RALGAPA1: variants seen among roughly 807,000 people sequenced by gnomAD.
RALGAPA1 encodes the protein Ral GTPase activating protein catalytic subunit alpha 1, also known as ral GTPase-activating protein subunit alpha-1.
A neutral mutation model predicts 269.6 loss-of-function variants in RALGAPA1; 52 were observed. That is an observed-to-expected ratio of 0.19 (90% confidence interval 0.15 to 0.24). The LOEUF is 0.24. RALGAPA1 is among the 10% of genes least tolerant of loss of function. The pLI is 1.00. For synonymous variants in RALGAPA1, 817 were observed against 1,008.3 expected (o/e 0.81, Z 3.60); for missense variants, 1,917 against 3,013.9 (o/e 0.64, Z 8.52).
chr14:35,768,432 G>A (rs556762673), intron 4 of RALGAPA1, among the ~76,000 whole-genome samples: 1 of 152,250 alleles, frequency 6.6e-6, no homozygotes, highest in East Asian at 1.9e-4. Context: ...GCTCACACCT[G>A]TAATCCCAGC....
chr14:35,616,174 C>T (rs2139396431), intron 35 of RALGAPA1, among the ~76,000 whole-genome samples: 1 of 151,980 alleles, frequency 6.6e-6, no homozygotes. Flanking sequence ...AAGGGTACTT[C>T]TAAACATAAA....
In RALGAPA1 at chr14:35,541,040, A is replaced by ATTTTTTTTTTTTTTTT. The variant is rs559979336; in HGVS notation, c.*24-1366_*24-1351dup. 9.5e-4 allele frequency among the ~76,000 whole-genome samples: 85 copies of ATTTTTTTTTTTTTTTT among 89,164 alleles called. 14 individuals carry two copies. The highest frequency in any genetic ancestry group is 3.6e-3 in the African/African-American group (64 of 17,800). The allele number at this position is 89,164 out of a possible 152,430, so 58.5% of individuals were successfully genotyped here. Reference sequence around the variant, plus strand: ...GAATATGTCTTTGCAGAACACTTCAATTTTTTTTTTTTTTTTTTTTTTTTG... The same window carrying ATTTTTTTTTTTTTTTT: ...GAATATGTCTTTGCAGAACACTTCAATTTTTTTTTTTTTTTTTTTTTTTTTTTTTTTTTTTTTTTTG... On this transcript the variant is annotated intron_variant, in intron 41 of 41. Coordinates refer to ENST00000680220, the MANE Select transcript of RALGAPA1 (RefSeq NM_001346249.2).
chr14:35,768,685 T>A (rs116430039), intron 4 of RALGAPA1, among the ~76,000 whole-genome samples: 1 of 151,394 alleles, frequency 6.6e-6, no homozygotes, highest in Admixed American at 6.6e-5. Flanking sequence ...CTGAATAAGA[T>A]CCTGTCTCTT....
At chr14:35,769,625 A>T (rs1469506141) in intron 4 of RALGAPA1, among the ~76,000 whole-genome samples, 1 of 152,138 alleles carries the variant, frequency 6.6e-6, no homozygotes, top group Non-Finnish European at 1.5e-5. Context: ...AGTTTATGTA[A>T]TATTAAAAAA....
At chr14:35,641,902 CAT>C (rs1281160917) in intron 31 of RALGAPA1, among the ~76,000 whole-genome samples, 1 of 152,112 alleles carries the variant, frequency 6.6e-6, no homozygotes, top group East Asian at 1.9e-4. Flanking sequence ...AAAACTGACA[CAT>C]AGACCAATGG....
rs199904507 is a variant in RALGAPA1, at chr14:35,768,977, C to CA, written c.325+1964dup. On this transcript the variant is annotated intron_variant, in intron 4 of 41. Transcript: ENST00000680220. ...GAGCCGAGATAGTGCCACTGTACTC[C>CA]AGCCTGGGCAACAAGGGCGAAACTC... Among the ~76,000 whole-genome samples the CA allele has an allele frequency of 2.4e-3, 285 of 119,384 alleles. 8 individuals are homozygous for CA. The East Asian group carries it at 0.063, about 26-fold the overall frequency. 78.3% of individuals were successfully genotyped at this position (119,384 alleles called of 152,430 possible).
At chr14:35,748,958 G>T in intron 9 of RALGAPA1, 134 bp from the exon 10 acceptor site, 1 of 1,337,990 alleles carries the variant, frequency 7.5e-7, no homozygotes, top group East Asian at 2.7e-5. Flanking sequence ...CTTAAACTCC[G>T]GGCATAGAGT....
At chr14:35,551,004 T>C (rs1482086885) in intron 39 of RALGAPA1, among the ~76,000 whole-genome samples, 4 of 152,174 alleles carry the variant, frequency 2.6e-5, no homozygotes, top group Non-Finnish European at 5.9e-5. Flanking sequence ...ATACCACATA[T>C]CTCACAACTT....
intron 37 of RALGAPA1, among the ~76,000 whole-genome samples, chr14:35,585,971 T>C (rs528324425): frequency 6.6e-6 from 1 of 152,362 alleles, no homozygotes; most frequent in South Asian, 2.1e-4. Context: ...TAAAGTAGTT[T>C]TTTCCAATTC....
At chr14:35,738,475 ATTATT>A (rs773087508) in intron 12 of RALGAPA1, 33 bp downstream of exon 12, 2 of 1,470,188 alleles carry the variant, frequency 1.4e-6, no homozygotes, top group African/African-American at 2.9e-5. Flanking sequence ...ATATTTAATG[ATTATT>A]TTATTTTTAA....
At chr14:35,737,739 A>G (rs1224762507) in intron 12 of RALGAPA1, among the ~76,000 whole-genome samples, 2 of 132,986 alleles carry the variant, frequency 1.5e-5, no homozygotes, top group Non-Finnish European at 3.1e-5. Context: ...AACCTGGGCA[A>G]CAACAGTGAA....
At chr14:35,773,466 T>A (rs1021439063) in intron 3 of RALGAPA1, among the ~76,000 whole-genome samples, 5 of 151,944 alleles carry the variant, frequency 3.3e-5, no homozygotes, top group African/African-American at 4.8e-5. Flanking sequence ...ATGTAAAGAA[T>A]AAAAAATAAT....
chr14:35,786,465 G>A (rs779121158), intron 1 of RALGAPA1, among the ~76,000 whole-genome samples: 114 of 151,624 alleles, frequency 7.5e-4, no homozygotes, highest in Non-Finnish European at 7.5e-4. Flanking sequence ...GGCTAACCCC[G>A]TCTCCATTAA....
chr14:35,683,669 C>T (rs2065664371), intron 21 of RALGAPA1, 140 bp downstream of exon 21: 3 of 654,100 alleles, frequency 4.6e-6, no homozygotes, highest in Non-Finnish European at 7.4e-6. Context: ...CTTTTCTCCC[C>T]TTCATTGTTA....
chr14:35,805,280 A>C (rs571154521), intron 1 of RALGAPA1, among the ~76,000 whole-genome samples: 1 of 151,722 alleles, frequency 6.6e-6, no homozygotes, highest in Admixed American at 6.6e-5. Context: ...AAAGAAAAAA[A>C]AAAAAGAAAA....
intron 14 of RALGAPA1, among the ~76,000 whole-genome samples, chr14:35,724,315 T>C (rs1361575561): frequency 1.3e-5 from 2 of 152,058 alleles, no homozygotes; most frequent in Admixed American, 6.6e-5. Context: ...GAAAAAAAAC[T>C]CCAACCAATT....
chr14:35,560,692 A>G (rs2056129238), intron 39 of RALGAPA1, among the ~76,000 whole-genome samples: 1 of 152,108 alleles, frequency 6.6e-6, no homozygotes, highest in South Asian at 2.1e-4. Flanking sequence ...TTGGCCATAT[A>G]CTGAAGTCAT....
chr14:35,728,399 A>G lies in RALGAPA1; in HGVS notation c.1699T>C (p.Tyr567His), dbSNP rs1450041974. The G allele has an allele frequency of 6.3e-7, 1 of 1,595,304 alleles. No individual in the cohort carries two copies. Among genetic ancestry groups the G allele is most frequent in the African/African-American group, 1.4e-5 (1 of 73,796 alleles). Residue 567 changes from tyrosine to histidine, a missense_variant, in exon 13 of 42, where the codon TAC (tyrosine) becomes CAC (histidine). Tyr to His is a moderately conservative substitution (Grantham distance 83). Coordinates refer to ENST00000680220, the MANE Select transcript of RALGAPA1 (RefSeq NM_001346249.2). ...TCCATTGATACTTGTACAACCATGT[A>G]CCGATAAATGTTAAGAATGCGTTTA... ...MCKRILNIYRYMVVQVSMDKK... is the reference protein window; with the variant it reads ...MCKRILNIYRHMVVQVSMDKK...
intron 37 of RALGAPA1, among the ~76,000 whole-genome samples, chr14:35,577,916 T>A (rs1035521742): frequency 6.6e-5 from 10 of 152,334 alleles, no homozygotes; most frequent in Admixed American, 4.6e-4. Context: ...TTCATTTTTT[T>A]AAAAAAGTAT....
Sources: gnomAD v4.1 joint callset for allele counts (sites outside exome capture counted in the v4.1 genomes callset) on GRCh38, gnomAD v4.1.1 for gene constraint, MANE v1.5 for transcripts, NCBI Gene and HGNC (gene_info 2026-07-23, HGNC 2026-07-21) for gene names.